The following CACNA1C variants were observed in gnomAD, a reference collection of about 807,000 sequenced individuals.
CACNA1C encodes the protein calcium voltage-gated channel subunit alpha1 C.
CACNA1C carries 30 observed loss-of-function variants against 229.0 expected under a neutral mutation model. That is an observed-to-expected ratio of 0.13 (90% CI 0.10 to 0.18). The LOEUF is 0.18. Among genes scored for constraint, CACNA1C ranks in the 10% least tolerant of loss-of-function variants. CACNA1C has a pLI of 1.00. For synonymous variants in CACNA1C, 1,114 were observed against 1,132.5 expected (o/e 0.98, Z 0.33); for missense variants, 1,658 against 2,845.0 (o/e 0.58, Z 9.49).
chr12:2,571,604 C>G (rs531857926), intron 13 of CACNA1C, among the ~76,000 whole-genome samples: 1 of 152,262 alleles, frequency 6.6e-6, no homozygotes, highest in Admixed American at 6.5e-5. Context: ...TTTTAAAAAT[C>G]TATCTTAATC....
At chr12:2,445,100 C>T (rs771710585) in intron 3 of CACNA1C, among the ~76,000 whole-genome samples, 1 of 152,212 alleles carries the variant, frequency 6.6e-6, no homozygotes, top group African/African-American at 2.4e-5. Flanking sequence ...GCTGTCCATA[C>T]TTCCCATCTT....
intron 3 of CACNA1C, among the ~76,000 whole-genome samples, chr12:2,377,185 G>C (rs2098099656): frequency 6.6e-6 from 1 of 152,152 alleles, no homozygotes; most frequent in Non-Finnish European, 1.5e-5. Flanking sequence ...CCCATAGTTA[G>C]CATTTAAACA....
intron 3 of CACNA1C, among the ~76,000 whole-genome samples, chr12:2,336,483 A>G (rs1290971694): frequency 6.6e-6 from 1 of 152,152 alleles, no homozygotes; most frequent in Non-Finnish European, 1.5e-5. Context: ...GATTTCAACC[A>G]CCAGTGAGTC....
intron 9 of CACNA1C, among the ~76,000 whole-genome samples, chr12:2,546,441 G>A (rs563118181): frequency 6.6e-6 from 1 of 152,042 alleles, no homozygotes; most frequent in Non-Finnish European, 1.5e-5. Context: ...ACACTATTCT[G>A]TGCAGTTGCT....
chr12:2,074,064 G>A (rs1211063618), intron 1 of CACNA1C, among the ~76,000 whole-genome samples: 1 of 152,074 alleles, frequency 6.6e-6, no homozygotes, highest in African/African-American at 2.4e-5. Flanking sequence ...AGTTGCTTAG[G>A]TTGTATTTTA....
intron 32 of CACNA1C, among the ~76,000 whole-genome samples, chr12:2,652,116 C>A (rs779902088): frequency 4.6e-5 from 7 of 152,334 alleles, no homozygotes; most frequent in Non-Finnish European, 4.4e-5. Flanking sequence ...CTGAAAAACA[C>A]GGGCCTGGAC....
intron 13 of CACNA1C, among the ~76,000 whole-genome samples, chr12:2,570,009 C>T (rs960268068): frequency 1.9e-4 from 29 of 152,148 alleles, no homozygotes; most frequent in Admixed American, 1.6e-3. Flanking sequence ...CTCACATGAA[C>T]GTAAACATTG....
chr12:2,609,725 G>T (rs2076806360), intron 27 of CACNA1C, among the ~76,000 whole-genome samples: 2 of 151,896 alleles, frequency 1.3e-5, no homozygotes, highest in Admixed American at 1.3e-4. Flanking sequence ...ACAGAGAAAT[G>T]GACTGGCTCT....
chr12:2,566,589 G>T lies in CACNA1C; in HGVS notation c.1669+7G>T, dbSNP rs772951246. On this transcript the variant is annotated splice_region_variant and intron_variant, in intron 12 of 46. Coordinates refer to ENST00000399655, the MANE Select transcript of CACNA1C (RefSeq NM_000719.7). This position sits in a 1 kb window ranked among gnomAD's most constrained non-coding sequence, Gnocchi z 4.0. ...TGGCTCACAGAAGTCCAAGGTGAGC[G>T]GCGGCCCCAGCTCTGCTCTGGTTTC... 1.3e-6 allele frequency: 2 copies of T among 1,589,262 alleles called. No individual in the cohort carries two copies. Among genetic ancestry groups the T allele is most frequent in the East Asian group, 2.3e-5 (1 of 43,412 alleles).
At chr12:2,184,494 T>C (rs753326727) in intron 3 of CACNA1C, among the ~76,000 whole-genome samples, 1 of 152,212 alleles carries the variant, frequency 6.6e-6, no homozygotes, top group Non-Finnish European at 1.5e-5. Flanking sequence ...TTCTTCGTCG[T>C]TCCTGGCAGG....
intron 42 of CACNA1C, among the ~76,000 whole-genome samples, chr12:2,681,736 G>C (rs2097156992): frequency 6.6e-6 from 1 of 152,166 alleles, no homozygotes; most frequent in Non-Finnish European, 1.5e-5. Flanking sequence ...TACCCTGCCT[G>C]GGATGCTCAG....
chr12:2,038,283 T>TA (rs1435360731), intron 1 of CACNA1C, among the ~76,000 whole-genome samples: 2 of 152,224 alleles, frequency 1.3e-5, no homozygotes, highest in Non-Finnish European at 2.9e-5. Context: ...TTTCCTTTCA[T>TA]AGAATTCGAG....
At chr12:2,174,452 A>C (rs2096585973) in intron 3 of CACNA1C, among the ~76,000 whole-genome samples, 2 of 152,190 alleles carry the variant, frequency 1.3e-5, no homozygotes, top group South Asian at 4.1e-4. Flanking sequence ...TATAACAGAA[A>C]ATTTCAAATG....
At chr12:2,159,629 A>C (rs1017573248) in intron 3 of CACNA1C, among the ~76,000 whole-genome samples, 1 of 110,440 alleles carries the variant, frequency 9.1e-6, no homozygotes, top group Non-Finnish European at 1.8e-5. Flanking sequence ...TTGAGATGGG[A>C]GTTTCGCTCT....
At chr12:2,072,210 A>G (rs1004074889) in intron 1 of CACNA1C, among the ~76,000 whole-genome samples, 3 of 151,408 alleles carry the variant, frequency 2.0e-5, no homozygotes, top group African/African-American at 7.3e-5. Flanking sequence ...AAATATATAT[A>G]TATTTGGAAA....
intron 3 of CACNA1C, among the ~76,000 whole-genome samples, chr12:2,447,278 C>T (rs967707798): frequency 1.3e-5 from 2 of 152,130 alleles, no homozygotes; most frequent in Admixed American, 1.3e-4. Context: ...TGGTTCACAA[C>T]CCCAAGGCAG....
intron 1 of CACNA1C, among the ~76,000 whole-genome samples, chr12:1,989,083 G>C (rs539657472): frequency 6.6e-6 from 1 of 152,268 alleles, no homozygotes; most frequent in East Asian, 1.9e-4. Context: ...TGTTGGCCTA[G>C]CTCTGAAATA....
At chr12:2,330,245 A>C (rs527812106) in intron 3 of CACNA1C, among the ~76,000 whole-genome samples, 2 of 152,172 alleles carry the variant, frequency 1.3e-5, no homozygotes, top group Non-Finnish European at 2.9e-5. Context: ...TGAGCATGAG[A>C]TGCCGGGGAA....
At chr12:2,643,256 G>A (rs917262712) in intron 30 of CACNA1C, among the ~76,000 whole-genome samples, 2 of 152,302 alleles carry the variant, frequency 1.3e-5, no homozygotes, top group Admixed American at 1.3e-4. Flanking sequence ...CCGACCTGGG[G>A]GTGGTGGCCC....
Sources: gnomAD v4.1 joint callset for allele counts (sites outside exome capture counted in the v4.1 genomes callset) on GRCh38, gnomAD v4.1.1 for gene constraint, Gnocchi (gnomAD v3.1) non-coding constraint, MANE v1.5 for transcripts, NCBI Gene and HGNC (gene_info 2026-07-23, HGNC 2026-07-21) for gene names.